PFKL: variants seen among roughly 807,000 people sequenced by gnomAD.
The protein encoded by PFKL is ATP-dependent 6-phosphofructokinase, liver type.
Under a neutral mutation model 92.1 loss-of-function variants are expected in PFKL, and 74 were observed. The observed-to-expected ratio is 0.80, with a 90% CI of 0.67 to 0.97. The LOEUF is 0.97. Among genes scored for constraint, PFKL ranks in the 50% least tolerant of loss-of-function variants. The pLI is 0.00. For missense variants in PFKL, 1,028 were observed against 1,116.6 expected, an observed-to-expected ratio of 0.92 and a Z score of 1.13; for synonymous variants, 494 against 456.4, an observed-to-expected ratio of 1.08 and a Z score of -1.05.
At chr21:44,316,028 G>C (rs548319035) in intron 7 of PFKL, 126 of 582,274 alleles carry the variant, frequency 2.2e-4, no homozygotes, top group Non-Finnish European at 3.6e-4. Context: ...GAGCCCTCTT[G>C]TTCACCGCCT....
intron 3 of PFKL, 50 bp downstream of exon 3, chr21:44,311,133 C>T: frequency 7.0e-7 from 1 of 1,423,728 alleles, no homozygotes. Context: ...CGCAGACAGA[C>T]ACACAGAGAC....
intron 1 of PFKL, among the ~76,000 whole-genome samples, chr21:44,302,523 G>A (rs1453902143): frequency 3.9e-5 from 6 of 152,170 alleles, no homozygotes; most frequent in Admixed American, 2.6e-4. Flanking sequence ...TTTCCTTCTC[G>A]GGGCCCCACT....
intron 1 of PFKL, among the ~76,000 whole-genome samples, chr21:44,302,622 G>A (rs1179496290): frequency 6.6e-6 from 1 of 152,226 alleles, no homozygotes; most frequent in Non-Finnish European, 1.5e-5. Flanking sequence ...CGGGCAGCAG[G>A]AGAGTGGGGA....
intron 2 of PFKL, among the ~76,000 whole-genome samples, chr21:44,310,392 C>T (rs915748941): frequency 2.6e-5 from 4 of 152,182 alleles, no homozygotes; most frequent in African/African-American, 7.2e-5. Context: ...GCCGGCCCTA[C>T]GAGCGATGGC....
chr21:44,303,913 G>A (rs931402137), intron 1 of PFKL, among the ~76,000 whole-genome samples: 4 of 152,112 alleles, frequency 2.6e-5, no homozygotes, highest in African/African-American at 4.8e-5. Context: ...ACTGCTGCCC[G>A]AGGTTTATTT....
rs73231256 is a variant in PFKL, at chr21:44,321,237, G to C, written c.1192-492G>C. Reference sequence around the variant, plus strand: ...GGGGAGGTGGTGGCGGCCGTCACTGGATTCACATGGATGTGGTGGGGTTTT... The same window carrying C: ...GGGGAGGTGGTGGCGGCCGTCACTGCATTCACATGGATGTGGTGGGGTTTT... On this transcript the variant is annotated intron_variant, in intron 12 of 21. Transcript: ENST00000349048. The C allele has an allele frequency of 8.5e-3, 1,306 of 152,868 alleles. 9 individuals are homozygous for C. The highest frequency in any genetic ancestry group is 0.013 in the Non-Finnish European group (904 of 68,412). 9.5% of individuals were successfully genotyped at this position (152,868 alleles called of 1,614,324 possible).
chr21:44,316,627 C>G, intron 9 of PFKL, 103 bp downstream of exon 9: 1 of 847,814 alleles, frequency 1.2e-6, no homozygotes, highest in Admixed American at 2.4e-5. Context: ...GCACTGTGTC[C>G]ATGTGGCTGT....
At chr21:44,312,870 GGGCTGCACGCCTGGGATGCGGGGGA>G in intron 4 of PFKL, 83 bp from the exon 5 acceptor site, 1 of 1,242,096 alleles carries the variant, frequency 8.1e-7, no homozygotes, top group Non-Finnish European at 1.1e-6. Context: ...GGCCCCTGCC[GGGCTGCACGCCTGGGATGCGGGGGA>G]AGGGGTGGCA....
intron 3 of PFKL, 62 bp from the exon 4 acceptor site, chr21:44,312,043 G>T: frequency 7.6e-7 from 1 of 1,315,600 alleles, no homozygotes; most frequent in Non-Finnish European, 9.9e-7. Context: ...TCCCTCTGGT[G>T]ATCCCCAGGG....
chr21:44,326,605 G>C, intron 21 of PFKL, 110 bp from the exon 22 acceptor site: 4 of 1,338,726 alleles, frequency 3.0e-6, no homozygotes, highest in Non-Finnish European at 4.1e-6. Context: ...TTCAGACAGA[G>C]GGGCATGCAC....
intron 14 of PFKL, 147 bp downstream of exon 14, chr21:44,322,350 C>A: frequency 1.4e-6 from 1 of 704,726 alleles, no homozygotes; most frequent in Non-Finnish European, 2.3e-6. Context: ...GCAGGCTTCA[C>A]GCCTCCTGCC....
rs535879369 is a variant in PFKL at position 44,319,559 on chromosome 21, C to T, written c.1127+144C>T. ...GAAGATCGAGGGAGGAAGGGGCCTG[C>T]GGGTGGTACAGGAGGCGGGCTGGGA... On this transcript the variant is annotated intron_variant, in intron 11 of 21. Coordinates refer to ENST00000349048, the MANE Select transcript of PFKL (RefSeq NM_002626.6). 3.6e-4 allele frequency: 265 copies of T among 731,112 alleles called. 3 individuals carry two copies. Among genetic ancestry groups the T allele is most frequent in the South Asian group, 3.3e-3 (208 of 62,444 alleles). 45.3% of individuals were successfully genotyped at this position (731,112 alleles called of 1,614,324 possible). A position where few individuals can be genotyped will look rare whatever the true frequency, so the allele number is the denominator to read the frequency against.
At chr21:44,309,631 G>A (rs2041057507) in intron 2 of PFKL, among the ~76,000 whole-genome samples, 3 of 152,160 alleles carry the variant, frequency 2.0e-5, no homozygotes, top group Middle Eastern at 3.2e-3. Context: ...TGGCGCCTGG[G>A]CTCTGTATTG....
chr21:44,305,133 C>A, intron 1 of PFKL: 2 of 798,878 alleles, frequency 2.5e-6, no homozygotes, highest in Non-Finnish European at 3.5e-6. Context: ...CTGCCACCTG[C>A]TGGGCTCTGG....
intron 11 of PFKL, chr21:44,319,816 C>T (rs539044139): frequency 1.4e-5 from 7 of 512,544 alleles, no homozygotes; most frequent in Admixed American, 3.5e-5. Flanking sequence ...TGCCTCCACC[C>T]GCTACCAAGG....
rs753142139 is a variant in PFKL at position 44,324,500 on chromosome 21, C to T, written c.1660C>T (p.Arg554Cys). Reference sequence around the variant, plus strand: ...CCCCCTTGTCCCCCAGAGCTGTGACCGCATCAAACAGTCTGCCTCGGGGAC... The same window carrying T: ...CCCCCTTGTCCCCCAGAGCTGTGACTGCATCAAACAGTCTGCCTCGGGGAC... ...AVNAAMESCD[R>C]IKQSASGTKR... The change falls in exon 17 of 22, where the codon CGC (arginine) becomes TGC (cysteine). Residue 554 changes from arginine (R) to cysteine (C), a missense_variant. Arg to Cys is a radical substitution (Grantham distance 180). Coordinates refer to ENST00000349048, the MANE Select transcript of PFKL (RefSeq NM_002626.6). The T allele has an allele frequency of 1.5e-5, 25 of 1,613,096 alleles. No homozygotes were observed. The highest frequency in any genetic ancestry group is 1.1e-4 in the East Asian group (5 of 44,868).
chr21:44,320,416 G>A (rs896231080), intron 12 of PFKL: 2 of 375,154 alleles, frequency 5.3e-6, no homozygotes, highest in African/African-American at 2.1e-5. Context: ...CTTAACTCAG[G>A]AGAGGAGAAG....
chr21:44,307,643 C>G (rs1568945440), intron 2 of PFKL, among the ~76,000 whole-genome samples: 1 of 152,224 alleles, frequency 6.6e-6, no homozygotes, highest in African/African-American at 2.4e-5. Flanking sequence ...AGCAGCCTGT[C>G]CAGCCCTCCC....
intron 1 of PFKL, among the ~76,000 whole-genome samples, chr21:44,300,586 C>A (rs934162775): frequency 6.6e-6 from 1 of 152,160 alleles, no homozygotes; most frequent in African/African-American, 2.4e-5. Context: ...CTCCCGAGGG[C>A]CGGCGCCAGG....
Sources: allele counts gnomAD v4.1 joint callset (sites outside exome capture counted in the v4.1 genomes callset), GRCh38; gene constraint gnomAD v4.1.1; transcripts MANE v1.5; gene names NCBI Gene and HGNC (gene_info 2026-07-23, HGNC 2026-07-21).